The following LMAN2L variants were observed in gnomAD, a reference collection of about 807,000 sequenced individuals.
LMAN2L encodes VIP36-like protein.
In LMAN2L, 30 loss-of-function variants were observed where a neutral mutation model predicts 44.3. The observed-to-expected ratio is 0.68, with a 90% CI of 0.51 to 0.92. LMAN2L has a LOEUF of 0.92. Among genes scored for constraint, LMAN2L ranks in the 40% least tolerant of loss-of-function variants. The probability of loss-of-function intolerance (pLI) is 0.00; values close to 1 mark genes in which losing one functional copy is unlikely to be tolerated. For synonymous variants in LMAN2L, 183 were observed against 171.1 expected (o/e 1.07, Z -0.54); for missense variants, 429 against 446.1 (o/e 0.96, Z 0.35).
intron 4 of LMAN2L, among the ~76,000 whole-genome samples, chr2:96,726,831 C>G (rs1255548729): frequency 1.3e-5 from 2 of 151,964 alleles, no homozygotes; most frequent in African/African-American, 4.8e-5. Context: ...CACCTGTAAT[C>G]CCAGCACTTT....
chr2:96,711,394 C>A (rs1255937693), intron 6 of LMAN2L, among the ~76,000 whole-genome samples: 1 of 152,218 alleles, frequency 6.6e-6, no homozygotes, highest in Non-Finnish European at 1.5e-5. Flanking sequence ...ACTCACGATA[C>A]AGGCTAGAAG....
At chr2:96,732,254 A>G (rs1558962372) in intron 4 of LMAN2L, among the ~76,000 whole-genome samples, 1 of 151,716 alleles carries the variant, frequency 6.6e-6, no homozygotes, top group Non-Finnish European at 1.5e-5. Flanking sequence ...CTCGCTAGGT[A>G]CTTAGCTACA....
At chr2:96,724,452 T>C (rs77175817) in intron 4 of LMAN2L, among the ~76,000 whole-genome samples, 4,265 of 152,342 alleles carry the variant, frequency 0.028, 203 homozygotes, top group African/African-American at 0.098. Flanking sequence ...ATCCATGCCA[T>C]AGAACATCTT....
chr2:96,720,775 C>T (rs1175014484), intron 4 of LMAN2L, among the ~76,000 whole-genome samples: 1 of 151,962 alleles, frequency 6.6e-6, no homozygotes, highest in Non-Finnish European at 1.5e-5. Flanking sequence ...CTCGTCTCTA[C>T]TAAAAATACA....
chr2:96,710,080 G>C (rs2077880270), intron 6 of LMAN2L, among the ~76,000 whole-genome samples: 1 of 152,164 alleles, frequency 6.6e-6, no homozygotes, highest in Non-Finnish European at 1.5e-5. Context: ...GGTCTGGCCT[G>C]CTCGGTACTT....
chr2:96,714,155 CA>C (rs1323754193), intron 4 of LMAN2L, among the ~76,000 whole-genome samples: 16 of 152,210 alleles, frequency 1.1e-4, no homozygotes, highest in Admixed American at 1.0e-3. Context: ...ATAGGTAATA[CA>C]AGGGATGGGC....
chr2:96,710,669 TA>T (rs1335363633), intron 6 of LMAN2L, among the ~76,000 whole-genome samples: 15 of 126,014 alleles, frequency 1.2e-4, no homozygotes, highest in East Asian at 1.0e-3. Context: ...TATATATATA[TA>T]AAAAAAAATC....
intron 4 of LMAN2L, among the ~76,000 whole-genome samples, chr2:96,720,673 A>T (rs1465111163): frequency 6.6e-6 from 1 of 151,958 alleles, no homozygotes; most frequent in Non-Finnish European, 1.5e-5. Flanking sequence ...AGGCGCGGTG[A>T]CTCACGCCTG....
At chr2:96,725,512 G>C (rs1008173493) in intron 4 of LMAN2L, among the ~76,000 whole-genome samples, 2 of 146,304 alleles carry the variant, frequency 1.4e-5, no homozygotes, top group Non-Finnish European at 3.0e-5. Context: ...GCGTAATCTT[G>C]GCTCACTGCA....
chr2:96,712,968 G>GT lies in LMAN2L; in HGVS notation c.508-944dup, dbSNP rs377279447. On this transcript the variant is annotated intron_variant, in intron 4 of 7. Coordinates refer to ENST00000264963, the MANE Select transcript of LMAN2L (RefSeq NM_030805.4). ...AGTATTTGTCCCTTTGTCCCAAATG[G>GT]TTAACATGCAAGATGGAGATGCAGT... 80 of 705,176 alleles carry GT rather than the reference G, an allele frequency of 1.1e-4. No individual in the cohort carries two copies. The African/African-American group carries it at 1.4e-3, about 12-fold the overall frequency. 43.7% of individuals were successfully genotyped at this position (705,176 alleles called of 1,614,324 possible).
At position 96,715,947 on chromosome 2, in the gene LMAN2L, A is replaced by G. The variant is rs577055091; in HGVS notation, c.508-3922T>C. On this transcript the variant is annotated intron_variant, in intron 4 of 7. Transcript: ENST00000264963. ...AAAGCTCACAGGGTTCATTATGAAG[A>G]TGAAATGAGATATGCGAAGCATTTA... Among the ~76,000 whole-genome samples, 5 of 152,346 alleles carry G rather than the reference A, an allele frequency of 3.3e-5. No homozygotes were observed. The East Asian group carries it at 9.6e-4, about 29-fold the overall frequency.
chr2:96,715,217 G>A (rs773496515), intron 4 of LMAN2L, among the ~76,000 whole-genome samples: 3 of 152,172 alleles, frequency 2.0e-5, no homozygotes, highest in Non-Finnish European at 4.4e-5. Flanking sequence ...GATTACAGGC[G>A]TGAGCCACCG....
chr2:96,722,897 G>A (rs980158738), intron 4 of LMAN2L, among the ~76,000 whole-genome samples: 3 of 152,138 alleles, frequency 2.0e-5, no homozygotes, highest in African/African-American at 7.2e-5. Context: ...GCAGGCGCCT[G>A]TAATCCCAGC....
chr2:96,726,025 T>C (rs1434731627), intron 4 of LMAN2L, among the ~76,000 whole-genome samples: 2 of 151,150 alleles, frequency 1.3e-5, no homozygotes, highest in African/African-American at 4.9e-5. Flanking sequence ...CCAGCTACTC[T>C]GGAGGCTGAG....
chr2:96,739,229 TTTGAA>T (rs1239458230), intron 1 of LMAN2L, among the ~76,000 whole-genome samples: 2 of 152,228 alleles, frequency 1.3e-5, no homozygotes, highest in African/African-American at 4.8e-5. Context: ...ACTCTTGCAC[TTTGAA>T]TTGTTTTCTG....
chr2:96,710,314 A>T (rs931995492), intron 6 of LMAN2L, among the ~76,000 whole-genome samples: 1 of 152,212 alleles, frequency 6.6e-6, no homozygotes, highest in African/African-American at 2.4e-5. Context: ...ACCTCAGTAA[A>T]GTTGATTTTA....
chr2:96,720,766 T>C (rs1331943261), intron 4 of LMAN2L, among the ~76,000 whole-genome samples: 1 of 151,902 alleles, frequency 6.6e-6, no homozygotes, highest in Non-Finnish European at 1.5e-5. Context: ...TGGTGAAACC[T>C]CGTCTCTACT....
intron 4 of LMAN2L, among the ~76,000 whole-genome samples, chr2:96,727,500 C>T (rs1244144086): frequency 6.6e-6 from 1 of 152,042 alleles, no homozygotes; most frequent in African/African-American, 2.4e-5. Context: ...GGTGTGGTGG[C>T]GCATGCCTGT....
chr2:96,713,073 G>C, intron 4 of LMAN2L: 1 of 1,540,878 alleles, frequency 6.5e-7, no homozygotes, highest in Non-Finnish European at 8.8e-7. Context: ...ACATGGGAAT[G>C]AGGGATGCTC....
Sources: allele counts gnomAD v4.1 joint callset (sites outside exome capture counted in the v4.1 genomes callset), GRCh38; gene constraint gnomAD v4.1.1; transcripts MANE v1.5; gene names NCBI Gene and HGNC (gene_info 2026-07-23, HGNC 2026-07-21).